Variants in ADGRL3 observed in about 807,000 individuals in gnomAD.
ADGRL3 encodes adhesion G protein-coupled receptor L3, also known as calcium-independent alpha-latrotoxin receptor 3.
ADGRL3 carries 62 observed loss-of-function variants against 153.5 expected under a neutral mutation model. The observed-to-expected ratio is 0.40, with a 90% CI of 0.33 to 0.50. ADGRL3 has a LOEUF of 0.50. ADGRL3 is among the 20% of genes least tolerant of loss of function. The pLI, the probability that ADGRL3 is intolerant of heterozygous loss-of-function variation, is 0.47. For missense variants in ADGRL3, 1,641 were observed against 1,859.4 expected (o/e 0.88, Z 2.16); for synonymous variants, 710 against 672.5 (o/e 1.06, Z -0.86).
At chr4:61,596,449 G>A (rs573601999) in intron 5 of ADGRL3, among the ~76,000 whole-genome samples, 46 of 152,072 alleles carry the variant, frequency 3.0e-4, no homozygotes, top group Non-Finnish European at 5.7e-4. Flanking sequence ...TGGTAACTTT[G>A]GTTTATTATA....
At chr4:61,598,349 A>ATGT (rs1222836055) in intron 5 of ADGRL3, among the ~76,000 whole-genome samples, 1 of 152,168 alleles carries the variant, frequency 6.6e-6, no homozygotes, top group African/African-American at 2.4e-5. Flanking sequence ...AACATCTAAA[A>ATGT]TGTTACACAT....
At chr4:61,384,977 A>G (rs2096719512) in intron 2 of ADGRL3, among the ~76,000 whole-genome samples, 1 of 152,168 alleles carries the variant, frequency 6.6e-6, no homozygotes, top group Admixed American at 6.6e-5. Flanking sequence ...TTCTGAAAGT[A>G]GAGAGCAGTG....
At chr4:62,024,575 CTTAT>C (rs772362190) in intron 21 of ADGRL3, among the ~76,000 whole-genome samples, 3 of 151,942 alleles carry the variant, frequency 2.0e-5, no homozygotes, top group African/African-American at 7.3e-5. Flanking sequence ...ATCTTTAATG[CTTAT>C]TTATTTATGA....
At chr4:61,816,297 C>A (rs541285082) in intron 9 of ADGRL3, among the ~76,000 whole-genome samples, 1 of 152,260 alleles carries the variant, frequency 6.6e-6, no homozygotes, top group Non-Finnish European at 1.5e-5. Context: ...ACTGAATTAG[C>A]TGGGGCTGAA....
At chr4:61,890,466 G>T (rs1160584946) in intron 9 of ADGRL3, among the ~76,000 whole-genome samples, 1 of 150,832 alleles carries the variant, frequency 6.6e-6, no homozygotes, top group Non-Finnish European at 1.5e-5. Context: ...ACTGGCAAAA[G>T]TCTTCCTGCT....
chr4:61,965,324 A>G (rs114058479), intron 17 of ADGRL3, among the ~76,000 whole-genome samples: 1,758 of 152,202 alleles, frequency 0.012, 41 homozygotes, highest in African/African-American at 0.04. Flanking sequence ...TCATTTGGCT[A>G]TCTCTAGTAA....
rs893726658 is a variant in ADGRL3 at position 61,980,230 on chromosome 4, T to G, written c.3015+458T>G. Among the ~76,000 whole-genome samples the G allele has an allele frequency of 3.9e-5, 6 of 151,906 alleles. No homozygotes were observed. The East Asian group carries it at 1.2e-3, about 29-fold the overall frequency. Reference sequence around the variant, plus strand: ...GTACATTCTCTGGGTTTGAGTATAATTTTTTCACTGCCTTGAAAATCATCT... The same window carrying G: ...GTACATTCTCTGGGTTTGAGTATAAGTTTTTCACTGCCTTGAAAATCATCT... On this transcript the variant is annotated intron_variant, in intron 18 of 26. Transcript: ENST00000683033.
rs532269353 is a variant in ADGRL3 at position 61,308,140 on chromosome 4, G to A, written c.-239-74984G>A. ...ATGCAGACCTATGAGAAAGGGAAAGGACCCAGAGAAGGGCCTCACCCTGGA... is the reference window on the plus strand; with the variant it reads ...ATGCAGACCTATGAGAAAGGGAAAGAACCCAGAGAAGGGCCTCACCCTGGA... On this transcript the variant is annotated intron_variant, in intron 1 of 26. Coordinates refer to ENST00000683033, the MANE Select transcript of ADGRL3 (RefSeq NM_001387552.1). 2.6e-5 allele frequency among the ~76,000 whole-genome samples: 4 copies of A among 152,240 alleles called. No homozygotes were observed. The South Asian group carries it at 8.3e-4, about 32-fold the overall frequency.
At chr4:62,057,103 G>A (rs988169145) in intron 25 of ADGRL3, among the ~76,000 whole-genome samples, 3 of 152,224 alleles carry the variant, frequency 2.0e-5, no homozygotes, top group South Asian at 4.1e-4. Flanking sequence ...TTGTTAGCCT[G>A]CTGTCAAGAA....
intron 2 of ADGRL3, among the ~76,000 whole-genome samples, chr4:61,479,837 A>G (rs1479584043): frequency 6.6e-6 from 1 of 152,164 alleles, no homozygotes; most frequent in Non-Finnish European, 1.5e-5. Context: ...CTGTAAGAAT[A>G]CAAAATTATC....
intron 5 of ADGRL3, among the ~76,000 whole-genome samples, chr4:61,596,034 G>T (rs1035220756): frequency 6.6e-6 from 1 of 152,118 alleles, no homozygotes; most frequent in South Asian, 2.1e-4. Flanking sequence ...GCCGGGGAAT[G>T]GGGAGGGGTG....
chr4:61,549,836 A>G (rs562574766), intron 4 of ADGRL3, among the ~76,000 whole-genome samples: 1 of 152,146 alleles, frequency 6.6e-6, no homozygotes, highest in South Asian at 2.1e-4. Context: ...CCGATGATTA[A>G]TAATGTGAAT....
chr4:61,291,353 G>A (rs973293527), intron 1 of ADGRL3, among the ~76,000 whole-genome samples: 1 of 151,506 alleles, frequency 6.6e-6, no homozygotes, highest in Admixed American at 6.6e-5. Flanking sequence ...AAACAATACA[G>A]TGTAACAATG....
intron 1 of ADGRL3, among the ~76,000 whole-genome samples, chr4:61,308,806 T>A (rs1288369343): frequency 1.3e-5 from 2 of 152,314 alleles, no homozygotes; most frequent in East Asian, 3.9e-4. Context: ...TCATCATTAG[T>A]TTGAAATTTT....
At chr4:61,487,403 T>C (rs1419266462) in intron 2 of ADGRL3, among the ~76,000 whole-genome samples, 2 of 152,136 alleles carry the variant, frequency 1.3e-5, no homozygotes, top group Non-Finnish European at 2.9e-5. Flanking sequence ...AGTTAATACA[T>C]GGGAGGCTTT....
intron 3 of ADGRL3, among the ~76,000 whole-genome samples, chr4:61,501,016 C>T (rs1204804052): frequency 6.6e-6 from 1 of 152,132 alleles, no homozygotes; most frequent in Non-Finnish European, 1.5e-5. Context: ...CACTTGGGAG[C>T]AGGTGAGGCA....
chr4:61,438,565 G>A (rs932889509), intron 2 of ADGRL3, among the ~76,000 whole-genome samples: 1 of 151,724 alleles, frequency 6.6e-6, no homozygotes, highest in East Asian at 1.9e-4. Flanking sequence ...CCATAGAAGA[G>A]GCCCCATAGA....
chr4:61,570,104 A>G (rs898339532), intron 4 of ADGRL3, among the ~76,000 whole-genome samples: 9 of 152,136 alleles, frequency 5.9e-5, no homozygotes, highest in Non-Finnish European at 8.8e-5. Context: ...ATCATTTTTA[A>G]TTCATATGAT....
At chr4:61,601,702 G>A (rs1204850048) in intron 5 of ADGRL3, among the ~76,000 whole-genome samples, 1 of 152,144 alleles carries the variant, frequency 6.6e-6, no homozygotes, top group African/African-American at 2.4e-5. Context: ...ACCAGTGGTG[G>A]TAGGGACTAT....
Sources: allele counts gnomAD v4.1 joint callset (sites outside exome capture counted in the v4.1 genomes callset), GRCh38; gene constraint gnomAD v4.1.1; transcripts MANE v1.5; gene names NCBI Gene and HGNC (gene_info 2026-07-23, HGNC 2026-07-21).